Variants in ANO4 observed in about 807,000 individuals in gnomAD.
ANO4 encodes anoctamin-4.
In ANO4, 69 loss-of-function variants were observed where a neutral mutation model predicts 141.9. That is an observed-to-expected ratio of 0.49 (90% CI 0.40 to 0.59). The LOEUF (loss-of-function observed/expected upper bound fraction) is 0.59. Among genes scored for constraint, ANO4 ranks in the 20% least tolerant of loss-of-function variants. The pLI, the probability that ANO4 is intolerant of heterozygous loss-of-function variation, is 0.00. For synonymous variants in ANO4, 350 were observed against 394.3 expected, an observed-to-expected ratio of 0.89 and a Z score of 1.33; for missense variants, 894 against 1,162.2, an observed-to-expected ratio of 0.77 and a Z score of 3.36.
intron 1 of ANO4, among the ~76,000 whole-genome samples, chr12:100,877,079 T>C (rs926489752): frequency 1.3e-5 from 2 of 152,030 alleles, no homozygotes; most frequent in Non-Finnish European, 1.5e-5. Flanking sequence ...ATAAAACTCA[T>C]AGAAGCAGAG....
chr12:100,740,029 T>C, exon 3 of ANO4: 1 of 702,570 alleles, frequency 1.4e-6, no homozygotes, highest in Non-Finnish European at 2.6e-6. Context: ...CTTTGTCCTG[T>C]CCAGCCTCAC....
intron 8 of ANO4, among the ~76,000 whole-genome samples, chr12:100,989,631 A>T (rs1345236104): frequency 7.2e-6 from 1 of 138,792 alleles, no homozygotes. Flanking sequence ...AGATGGATGG[A>T]TGGATGGATG....
At chr12:101,098,106 C>A (rs148420343) in intron 21 of ANO4, among the ~76,000 whole-genome samples, 161 bp downstream of exon 21, 1 of 152,318 alleles carries the variant, frequency 6.6e-6, no homozygotes, top group East Asian at 1.9e-4. Flanking sequence ...CCATGAAAAT[C>A]ATAAACATTG....
intron 1 of ANO4, among the ~76,000 whole-genome samples, chr12:100,832,214 C>T (rs1034954211): frequency 1.3e-5 from 2 of 151,946 alleles, no homozygotes; most frequent in Non-Finnish European, 2.9e-5. Context: ...CATGAAAGAA[C>T]GCAGATGACT....
At chr12:101,022,883 G>A in intron 9 of ANO4, among the ~76,000 whole-genome samples, 1 of 152,160 alleles carries the variant, frequency 6.6e-6, no homozygotes, top group African/African-American at 2.4e-5. Context: ...GGGATTACAG[G>A]TGCCCGCCAC....
intron 1 of ANO4, chr12:100,852,551 G>A (rs1247573280): frequency 6.6e-6 from 1 of 152,224 alleles, no homozygotes; most frequent in Admixed American, 6.5e-5. Context: ...TCAGAAGACA[G>A]CTGAAACTGT....
At chr12:100,813,221 G>T (rs947699381) in intron 1 of ANO4, among the ~76,000 whole-genome samples, 1 of 152,104 alleles carries the variant, frequency 6.6e-6, no homozygotes, top group African/African-American at 2.4e-5. Context: ...ATTTCCAGGG[G>T]AAGCATGGGA....
chr12:100,874,051 C>T (rs1319328126), intron 1 of ANO4, among the ~76,000 whole-genome samples: 1 of 152,212 alleles, frequency 6.6e-6, no homozygotes, highest in Non-Finnish European at 1.5e-5. Flanking sequence ...TTGGTAGCTT[C>T]CACATGGTGT....
At chr12:100,905,893 C>T (rs2040823908) in intron 2 of ANO4, among the ~76,000 whole-genome samples, 1 of 152,026 alleles carries the variant, frequency 6.6e-6, no homozygotes, top group Non-Finnish European at 1.5e-5. Context: ...TATATAATGG[C>T]AGGTGTGCTG....
At chr12:100,955,535 G>A (rs1233697826) in intron 5 of ANO4, among the ~76,000 whole-genome samples, 1 of 152,194 alleles carries the variant, frequency 6.6e-6, no homozygotes, top group African/African-American at 2.4e-5. Context: ...TGAAGGGGAA[G>A]GGACATAGAT....
At chr12:101,125,841 G>A (rs2051292429) in intron 26 of ANO4, among the ~76,000 whole-genome samples, 1 of 150,942 alleles carries the variant, frequency 6.6e-6, no homozygotes, top group Non-Finnish European at 1.5e-5. Context: ...CGGGGATATT[G>A]GCCTGAAGTT....
Position 100,838,711 on chromosome 12 carries a change from G to A in ANO4, c.-141+43684G>A, listed in dbSNP as rs114863354. The stretch of plus-strand genomic sequence containing the variant: ...TTTTATGGGGCCTTCAAAGGAGTTC[G>A]ATGTTTTAGCCATGGGAAAAATGGG... On this transcript the variant is annotated intron_variant, in intron 1 of 27. Transcript: ENST00000392977. 4.7e-3 allele frequency among the ~76,000 whole-genome samples: 720 copies of A among 152,284 alleles called. 9 individuals carry two copies. Among genetic ancestry groups the A allele is most frequent in the African/African-American group, 0.017 (697 of 41,576 alleles).
intron 9 of ANO4, among the ~76,000 whole-genome samples, chr12:101,034,969 C>T (rs559607964): frequency 6.6e-6 from 1 of 152,288 alleles, no homozygotes; most frequent in South Asian, 2.1e-4. Flanking sequence ...TGTACAACCA[C>T]TTAAGAAAAC....
chr12:100,961,369 C>T (rs1384569262), intron 5 of ANO4, among the ~76,000 whole-genome samples: 1 of 152,146 alleles, frequency 6.6e-6, no homozygotes, highest in East Asian at 1.9e-4. Flanking sequence ...TAGATGTAGC[C>T]ATATGACTAC....
At chr12:101,040,448 T>C (rs1266824233) in intron 11 of ANO4, among the ~76,000 whole-genome samples, 1 of 152,252 alleles carries the variant, frequency 6.6e-6, no homozygotes, top group African/African-American at 2.4e-5. Context: ...AAATATTTAC[T>C]ACTGTTAGCA....
intron 14 of ANO4, 94 bp from the exon 15 acceptor site, chr12:101,079,099 A>T: frequency 1.9e-6 from 2 of 1,072,330 alleles, no homozygotes; most frequent in South Asian, 2.6e-5. Context: ...AACAACTGTC[A>T]TTCTTGGCAA....
chr12:100,777,447 T>G (rs796733188), intron 3 of ANO4, among the ~76,000 whole-genome samples: 26 of 151,932 alleles, frequency 1.7e-4, no homozygotes, highest in African/African-American at 6.3e-4. Context: ...TGCCTTTTCA[T>G]TTTTTATACT....
intron 1 of ANO4, among the ~76,000 whole-genome samples, chr12:100,835,412 A>G (rs547381909): frequency 6.6e-6 from 1 of 152,278 alleles, no homozygotes; most frequent in African/African-American, 2.4e-5. Flanking sequence ...TAGGAAAGCC[A>G]CAGACGGTTG....
chr12:101,040,160 C>CA (rs2047359470), intron 11 of ANO4, 84 bp downstream of exon 11: 8 of 1,477,366 alleles, frequency 5.4e-6, no homozygotes, highest in Non-Finnish European at 7.2e-6. Flanking sequence ...CCCAATGAAG[C>CA]AAAAAGAGCC....
Sources: gnomAD v4.1 joint callset for allele counts (sites outside exome capture counted in the v4.1 genomes callset) on GRCh38, gnomAD v4.1.1 for gene constraint, MANE v1.5 for transcripts, NCBI Gene and HGNC (gene_info 2026-07-23, HGNC 2026-07-21) for gene names.